CALD1: variants seen among roughly 807,000 people sequenced by gnomAD.
The protein encoded by CALD1 is caldesmon 1, also known as caldesmon.
CALD1 carries 33 observed loss-of-function variants against 99.9 expected under a neutral mutation model. The ratio of observed to expected loss-of-function variants is 0.33; its 90% CI spans 0.25 to 0.44. The LOEUF (loss-of-function observed/expected upper bound fraction) is 0.44. Among genes scored for constraint, CALD1 ranks in the 20% least tolerant of loss-of-function variants. CALD1 has a pLI of 1.00. For synonymous variants in CALD1, 310 were observed against 325.0 expected, an observed-to-expected ratio of 0.95 and a Z score of 0.50; for missense variants, 861 against 962.1, an observed-to-expected ratio of 0.89 and a Z score of 1.39.
intron 1 of CALD1, among the ~76,000 whole-genome samples, chr7:134,832,178 C>G (rs1267086619): frequency 1.3e-5 from 2 of 152,158 alleles, no homozygotes; most frequent in East Asian, 1.9e-4. Context: ...GATCTTACTT[C>G]GTCATTTTTG....
chr7:134,944,712 T>C (rs749631564), intron 7 of CALD1, among the ~76,000 whole-genome samples: 1 of 152,224 alleles, frequency 6.6e-6, no homozygotes, highest in Non-Finnish European at 1.5e-5. Context: ...GATATCTACG[T>C]TGACATCTAG....
intron 2 of CALD1, among the ~76,000 whole-genome samples, chr7:134,861,455 A>G (rs1800560418): frequency 6.6e-6 from 1 of 152,218 alleles, no homozygotes; most frequent in Admixed American, 6.5e-5. Context: ...TCTTTAGGAT[A>G]TACACGACAT....
chr7:134,878,252 G>C (rs1440857878), intron 3 of CALD1, among the ~76,000 whole-genome samples: 1 of 152,190 alleles, frequency 6.6e-6, no homozygotes, highest in Non-Finnish European at 1.5e-5. Context: ...TTCCCTGAGA[G>C]GGCAAGAAGT....
chr7:134,761,973 A>G (rs1796782482), intron 1 of CALD1, among the ~76,000 whole-genome samples: 1 of 152,200 alleles, frequency 6.6e-6, no homozygotes, highest in Non-Finnish European at 1.5e-5. Context: ...GCTCCCTACC[A>G]TCAGGCAACC....
intron 9 of CALD1, among the ~76,000 whole-genome samples, chr7:134,952,412 A>C (rs1008899611): frequency 4.6e-5 from 7 of 152,130 alleles, no homozygotes; most frequent in African/African-American, 1.4e-4. Flanking sequence ...TACATTTTAC[A>C]GTTATTACTT....
chr7:134,745,063 A>G (rs920932982), intron 1 of CALD1, among the ~76,000 whole-genome samples: 1 of 152,214 alleles, frequency 6.6e-6, no homozygotes, highest in Non-Finnish European at 1.5e-5. Context: ...GGATTTTAGC[A>G]CTGTACCTTG....
rs187173960 is a variant in CALD1, at chr7:134,845,863, T to C, written c.-42+1892T>C. On this transcript the variant is annotated intron_variant, in intron 2 of 14. Transcript: ENST00000361675. ...CACTGCACGATACTTCTAATGAAGC[T>C]GTGTGAGAACATGTAGATGAGCTAA... 1.5e-4 allele frequency among the ~76,000 whole-genome samples: 23 copies of C among 152,342 alleles called. No homozygotes were observed. The East Asian group carries it at 4.4e-3, about 29-fold the overall frequency.
intron 8 of CALD1, among the ~76,000 whole-genome samples, chr7:134,949,210 A>C (rs1807143720): frequency 6.6e-6 from 1 of 152,186 alleles, no homozygotes; most frequent in African/African-American, 2.4e-5. Flanking sequence ...GCTGAAGAGA[A>C]ATCACGAAGT....
At chr7:134,745,195 ACTCC>A (rs923425003) in intron 1 of CALD1, among the ~76,000 whole-genome samples, 48 of 152,120 alleles carry the variant, frequency 3.2e-4, no homozygotes, top group African/African-American at 1.1e-3. Flanking sequence ...TAAAATTAAA[ACTCC>A]ATTTAAAAAG....
intron 6 of CALD1, among the ~76,000 whole-genome samples, chr7:134,938,826 G>A (rs1206272257): frequency 6.6e-6 from 1 of 152,154 alleles, no homozygotes; most frequent in Admixed American, 6.5e-5. Context: ...TGAAAAAAGG[G>A]GGGATTTTTT....
Position 134,950,441 on chromosome 7 carries a change from A to G in CALD1, c.1862A>G (p.Lys621Arg), listed in dbSNP as rs779762656. The G allele has an allele frequency of 1.2e-6, 2 of 1,613,994 alleles. No individual in the cohort carries two copies. The highest frequency in any genetic ancestry group is 2.2e-5 in the South Asian group (2 of 91,074). Residue 621 changes from lysine (K) to arginine (R), a missense_variant, in exon 9 of 15, where the codon AAG (lysine) becomes AGG (arginine). Lys to Arg is a conservative substitution (Grantham distance 26). Around this residue, in one of 5 missense-constraint regions of CALD1, gnomAD observed 190 missense variants for 249.0 expected, o/e 0.76. Transcript: ENST00000361675. ...RRAEAAEKRQ[K>R]MPEDGLSDDK... The stretch of plus-strand genomic sequence containing the variant: ...GCAGAAGCTGCTGAGAAACGCCAGA[A>G]GATGCCAGAAGATGGCTTGTCAGAT...
At chr7:134,751,079 G>C (rs1188039800) in intron 1 of CALD1, among the ~76,000 whole-genome samples, 1 of 152,140 alleles carries the variant, frequency 6.6e-6, no homozygotes, top group Non-Finnish European at 1.5e-5. Flanking sequence ...GAGACAGTAT[G>C]ATATAGTGAC....
chr7:134,836,832 A>G (rs913587207), intron 1 of CALD1, among the ~76,000 whole-genome samples: 3 of 152,206 alleles, frequency 2.0e-5, no homozygotes, highest in African/African-American at 4.8e-5. Flanking sequence ...TGCTTCTCCA[A>G]TCAGAAATCA....
the CALD1 span, among the ~76,000 whole-genome samples, chr7:134,723,168 T>A: frequency 6.6e-6 from 1 of 152,250 alleles, no homozygotes; most frequent in Non-Finnish European, 1.5e-5. Context: ...TGAGTTTCAG[T>A]TCTTGCGTAA....
intron 2 of CALD1, among the ~76,000 whole-genome samples, chr7:134,855,386 AATG>A (rs1310185405): frequency 1.3e-5 from 2 of 151,758 alleles, no homozygotes; most frequent in Non-Finnish European, 1.5e-5. Flanking sequence ...TTGAAATGGG[AATG>A]ATATGTGCAT....
At chr7:134,711,680 ATGTGTG>A in the CALD1 span, among the ~76,000 whole-genome samples, 9,216 of 109,252 alleles carry the variant, frequency 0.084, 466 homozygotes, top group Non-Finnish European at 0.1. Context: ...ATATATATAT[ATGTGTG>A]TGTGTGTGTG....
chr7:134,759,633 T>C (rs139409987), intron 1 of CALD1, among the ~76,000 whole-genome samples: 49 of 152,340 alleles, frequency 3.2e-4, no homozygotes, highest in African/African-American at 1.1e-3. Flanking sequence ...AAGATGCCCC[T>C]GGACAGAGGG....
At chr7:134,771,704 C>G (rs1410053116) in intron 1 of CALD1, among the ~76,000 whole-genome samples, 8 of 152,292 alleles carry the variant, frequency 5.3e-5, no homozygotes, top group Admixed American at 3.3e-4. Flanking sequence ...GGCTAGAAGC[C>G]TCTGGATGGC....
upstream of CALD1, among the ~76,000 whole-genome samples, chr7:134,740,189 T>A (rs1275705093): frequency 6.6e-6 from 1 of 152,166 alleles, no homozygotes; most frequent in African/African-American, 2.4e-5. Context: ...GCAATTGAAC[T>A]GTTGGACTAT....
Sources: gnomAD v4.1 joint callset for allele counts (sites outside exome capture counted in the v4.1 genomes callset) on GRCh38, gnomAD v4.1.1 for gene constraint, gnomAD v4.1.1 regional missense constraint, MANE v1.5 for transcripts, NCBI Gene and HGNC (gene_info 2026-07-23, HGNC 2026-07-21) for gene names.